Variants in MBTPS1 observed in about 807,000 individuals in gnomAD.
MBTPS1 encodes the protein membrane-bound transcription factor site-1 protease.
Under a neutral mutation model 127.8 loss-of-function variants are expected in MBTPS1, and 94 were observed. The observed-to-expected ratio is 0.74, with a 90% confidence interval of 0.62 to 0.87. MBTPS1 has a LOEUF of 0.87. Among genes scored for constraint, MBTPS1 ranks in the 40% least tolerant of loss-of-function variants. MBTPS1 has a pLI of 0.00. For synonymous variants in MBTPS1, 632 were observed against 509.4 expected, an observed-to-expected ratio of 1.24 and a Z score of -3.24; for missense variants, 1,636 against 1,353.2, an observed-to-expected ratio of 1.21 and a Z score of -3.28.
chr16:84,070,545 T>C (rs1447096641), intron 13 of MBTPS1, 43 bp downstream of exon 13: 2 of 1,597,516 alleles, frequency 1.3e-6, no homozygotes, highest in South Asian at 1.1e-5. Flanking sequence ...AAAGGTGATG[T>C]CAAACAGCTA....
chr16:84,070,108 C>G, intron 13 of MBTPS1, 70 bp from the exon 14 acceptor site: 1 of 1,286,550 alleles, frequency 7.8e-7, no homozygotes, highest in Non-Finnish European at 1.1e-6. Flanking sequence ...TTGAAAACAT[C>G]ATTTCTATTT....
intron 3 of MBTPS1, among the ~76,000 whole-genome samples, chr16:84,096,191 C>T (rs922030891): frequency 6.6e-6 from 1 of 152,140 alleles, no homozygotes; most frequent in African/African-American, 2.4e-5. Flanking sequence ...CCTAAGCATT[C>T]ATTGAGTTTT....
chr16:84,072,497 A>T (rs2085784798), intron 12 of MBTPS1, among the ~76,000 whole-genome samples: 1 of 152,206 alleles, frequency 6.6e-6, no homozygotes. Flanking sequence ...AAAACACTTT[A>T]AAAGGCAAAT....
At chr16:84,088,813 C>A (rs116543395) in intron 8 of MBTPS1, among the ~76,000 whole-genome samples, 1,591 of 152,216 alleles carry the variant, frequency 0.01, 27 homozygotes, top group African/African-American at 0.036. Flanking sequence ...GATGCCCAAG[C>A]AGAAAAAACC....
At chr16:84,114,493 C>G (rs1256574342) in intron 1 of MBTPS1, among the ~76,000 whole-genome samples, 1 of 152,130 alleles carries the variant, frequency 6.6e-6, no homozygotes, top group Non-Finnish European at 1.5e-5. Flanking sequence ...GCTGGCCACA[C>G]ATAGGGCACC....
chr16:84,074,676 A>G lies in MBTPS1; in HGVS notation c.1514T>C (p.Ile505Thr). Residue 505 changes from isoleucine (I) to threonine (T), a missense_variant, in exon 12 of 23, where the codon ATC (isoleucine) becomes ACC (threonine). Ile to Thr is a moderately conservative substitution (Grantham distance 89). Transcript: ENST00000343411. Reference protein sequence around the residue: ...PYMWPYCSQPIYYGGMPTVVN... With the variant: ...PYMWPYCSQPTYYGGMPTVVN... Reference sequence around the variant, plus strand: ...AACTGTCGGCATTCCTCCATAGTAGATGGGCTGGGAGCAGTAGGGCCACAT... The same window carrying G: ...AACTGTCGGCATTCCTCCATAGTAGGTGGGCTGGGAGCAGTAGGGCCACAT... 7 of 1,614,122 alleles carry G rather than the reference A, an allele frequency of 4.3e-6. No homozygotes were observed. The highest frequency in any genetic ancestry group is 2.2e-5 in the East Asian group (1 of 44,880).
At chr16:84,092,332 T>C (rs1811352196) in intron 6 of MBTPS1, among the ~76,000 whole-genome samples, 1 of 152,266 alleles carries the variant, frequency 6.6e-6, no homozygotes, top group Non-Finnish European at 1.5e-5. Context: ...GCTCCTATGT[T>C]CCTTACAAAA....
At chr16:84,099,775 CAAA>C (rs57148184) in intron 2 of MBTPS1, among the ~76,000 whole-genome samples, 6 of 76,334 alleles carry the variant, frequency 7.9e-5, no homozygotes. Context: ...GCCTCCGTCT[CAAA>C]AAAAAAAAAA....
intron 1 of MBTPS1, 64 bp downstream of exon 1, chr16:84,116,671 G>A (rs1426794151): frequency 1.3e-5 from 2 of 151,938 alleles, no homozygotes; most frequent in Non-Finnish European, 2.9e-5. Context: ...GCACACCTGA[G>A]CGAGCGGGCC....
At chr16:84,060,952 G>A in intron 19 of MBTPS1, 139 bp from the exon 20 acceptor site, 1 of 736,522 alleles carries the variant, frequency 1.4e-6, no homozygotes, top group South Asian at 2.0e-5. Flanking sequence ...TCCTGCCTCA[G>A]CCTCCCAAGT....
At chr16:84,097,837 C>CGTGTGTGT (rs71382894) in intron 3 of MBTPS1, among the ~76,000 whole-genome samples, 4,737 of 143,064 alleles carry the variant, frequency 0.033, 87 homozygotes, top group Middle Eastern at 0.07. Flanking sequence ...AACTTCTCTT[C>CGTGTGTGT]GTGTGTGTGT....
chr16:84,074,449 G>C (rs946302942), intron 12 of MBTPS1, 148 bp downstream of exon 12: 3 of 670,680 alleles, frequency 4.5e-6, no homozygotes, highest in Non-Finnish European at 7.4e-6. Context: ...GCTCAGGCTG[G>C]TCTTAAAGTC....
intron 2 of MBTPS1, 52 bp downstream of exon 2, chr16:84,101,569 A>G: frequency 6.8e-7 from 1 of 1,467,652 alleles, no homozygotes; most frequent in Non-Finnish European, 9.3e-7. Context: ...ATATTAAGTA[A>G]GCTTTAAAAA....
chr16:84,106,724 G>A (rs1039675533), intron 1 of MBTPS1, among the ~76,000 whole-genome samples: 1 of 152,180 alleles, frequency 6.6e-6, no homozygotes, highest in Middle Eastern at 3.2e-3. Flanking sequence ...CTCTGGCTTC[G>A]GTGTGGAAGG....
chr16:84,071,671 G>A (rs943757371), intron 12 of MBTPS1: 1 of 152,018 alleles, frequency 6.6e-6, no homozygotes, highest in Non-Finnish European at 1.5e-5. Context: ...TTATCTCTCT[G>A]GAATGATGTT....
chr16:84,073,295 A>T (rs748888671), intron 12 of MBTPS1, among the ~76,000 whole-genome samples: 1 of 151,970 alleles, frequency 6.6e-6, no homozygotes, highest in Non-Finnish European at 1.5e-5. Context: ...CACCACGCCC[A>T]GCTGATTTTT....
intron 20 of MBTPS1, 158 bp from the exon 21 acceptor site, chr16:84,059,586 A>AATCAGGCGTGGCTCCTG: frequency 1.7e-6 from 1 of 599,282 alleles, no homozygotes; most frequent in Non-Finnish European, 2.9e-6. Flanking sequence ...CGCAGGAGCC[A>AATCAGGCGTGGCTCCTG]CGCCTGATTG....
At chr16:84,098,433 A>G (rs2151166774) in intron 3 of MBTPS1, among the ~76,000 whole-genome samples, 1 of 152,184 alleles carries the variant, frequency 6.6e-6, no homozygotes, top group East Asian at 1.9e-4. Flanking sequence ...CAATATGGAG[A>G]AACCCTGTCT....
At chr16:84,107,236 C>T (rs2086335927) in intron 1 of MBTPS1, among the ~76,000 whole-genome samples, 1 of 152,194 alleles carries the variant, frequency 6.6e-6, no homozygotes, top group African/African-American at 2.4e-5. Context: ...CTGGCCCCTT[C>T]CAGAAAAGGG....
Sources: allele counts gnomAD v4.1 joint callset (sites outside exome capture counted in the v4.1 genomes callset), GRCh38; gene constraint gnomAD v4.1.1; transcripts MANE v1.5; gene names NCBI Gene and HGNC (gene_info 2026-07-23, HGNC 2026-07-21).